EEPD1: variants seen among roughly 807,000 people sequenced by gnomAD.
The protein encoded by EEPD1 is endonuclease/exonuclease/phosphatase family domain containing 1, also known as endonuclease/exonuclease/phosphatase family domain-containing protein 1.
A neutral mutation model predicts 46.3 loss-of-function variants in EEPD1; 17 were observed. The observed-to-expected ratio is 0.37, with a 90% CI of 0.25 to 0.55. The LOEUF is 0.55. Ranked by LOEUF, EEPD1 falls within the 20% of genes least tolerant of loss-of-function variation. The pLI, the probability that EEPD1 is intolerant of heterozygous loss-of-function variation, is 0.83. For synonymous variants in EEPD1, 313 were observed against 315.6 expected (o/e 0.99, Z 0.09); for missense variants, 673 against 745.6 (o/e 0.90, Z 1.13).
chr7:36,247,157 A>G (rs185607159), intron 3 of EEPD1, among the ~76,000 whole-genome samples: 1 of 152,036 alleles, frequency 6.6e-6, no homozygotes, highest in Non-Finnish European at 1.5e-5. Flanking sequence ...AAAAAATTGA[A>G]CTTGACAGAT....
chr7:36,206,675 T>C (rs966053305), intron 2 of EEPD1, among the ~76,000 whole-genome samples: 1 of 152,238 alleles, frequency 6.6e-6, no homozygotes, highest in Non-Finnish European at 1.5e-5. Flanking sequence ...TCATAAGTTA[T>C]AGGTAATAAG....
At chr7:36,190,181 G>A (rs1785437436) in intron 2 of EEPD1, among the ~76,000 whole-genome samples, 1 of 152,176 alleles carries the variant, frequency 6.6e-6, no homozygotes, top group Admixed American at 6.5e-5. Flanking sequence ...AGACCTGCCT[G>A]AGCAACATAG....
intron 2 of EEPD1, among the ~76,000 whole-genome samples, chr7:36,180,843 C>T (rs762037853): frequency 6.6e-6 from 1 of 152,042 alleles, no homozygotes; most frequent in Non-Finnish European, 1.5e-5. Flanking sequence ...GCTCTGCAGG[C>T]TCAGGCCCCC....
intron 2 of EEPD1, among the ~76,000 whole-genome samples, chr7:36,163,150 G>A (rs1226371768): frequency 2.0e-5 from 3 of 149,940 alleles, no homozygotes; most frequent in Non-Finnish European, 4.4e-5. Context: ...GCCAATATTT[G>A]GGTGACATTA....
intron 3 of EEPD1, among the ~76,000 whole-genome samples, chr7:36,264,577 G>A (rs1046251856): frequency 6.6e-6 from 1 of 152,270 alleles, no homozygotes; most frequent in African/African-American, 2.4e-5. Context: ...CACTGTCATG[G>A]CATCCATTAT....
Position 36,301,218 on chromosome 7 carries a change from C to T in EEPD1, c.*2012C>T, listed in dbSNP as rs1055493884. On this transcript the variant is annotated 3_prime_UTR_variant, in exon 8 of 8. Transcript: ENST00000242108. ...CACTGGCCCTTTTGCTTTTCACGCC[C>T]AGGGCTCAGTGGCCCAGGAAGTGTG... 1.3e-5 allele frequency: 2 copies of T among 152,240 alleles called. No homozygotes were observed. The highest frequency in any genetic ancestry group is 4.8e-5 in the African/African-American group (2 of 41,464). 9.4% of individuals were successfully genotyped at this position (152,240 alleles called of 1,614,324 possible).
chr7:36,250,071 A>C (rs1318345912), intron 3 of EEPD1, among the ~76,000 whole-genome samples: 5 of 152,080 alleles, frequency 3.3e-5, no homozygotes, highest in Non-Finnish European at 7.4e-5. Flanking sequence ...AGTTTTTAAA[A>C]GTTAGCTGAG....
Position 36,299,011 on chromosome 7 carries a change from C to A in EEPD1, c.1515C>A (p.His505Gln). 3 of 1,614,066 alleles carry A rather than the reference C, an allele frequency of 1.9e-6. No homozygotes were observed. Among genetic ancestry groups the A allele is most frequent in the Non-Finnish European group, 2.5e-6 (3 of 1,179,966 alleles). Residue 505 changes from histidine (H) to glutamine (Q), a missense_variant, in exon 8 of 8, where the codon CAC becomes CAA. Transcript: ENST00000242108. The part of the protein sequence containing the change: ...SKSLKKVFTG[H>Q]WAVVREGLTN... ...CTTTCCTTCCTCTCCCTTCAGGTCA[C>A]TGGGCTGTGGTGAGAGAAGGCCTCA...
rs569345869 is a variant in EEPD1, at chr7:36,185,901, G to A, written c.878+30699G>A. On this transcript the variant is annotated intron_variant, in intron 2 of 7. Transcript: ENST00000242108. The stretch of plus-strand genomic sequence containing the variant: ...CCTTACCTTGTCATAAAAGTGTACA[G>A]CATAAATCAGAATATCTCTTTGCCA... Among the ~76,000 whole-genome samples the A allele has an allele frequency of 3.9e-5, 6 of 152,290 alleles. No homozygotes were observed. The South Asian group carries it at 1.2e-3, about 32-fold the overall frequency.
chr7:36,168,580 C>T (rs781639878), intron 2 of EEPD1, among the ~76,000 whole-genome samples: 5 of 152,072 alleles, frequency 3.3e-5, no homozygotes, highest in Non-Finnish European at 5.9e-5. Flanking sequence ...TGGTGAAACC[C>T]CATCTCTACT....
chr7:36,163,149 T>G (rs1324029803), intron 2 of EEPD1, among the ~76,000 whole-genome samples: 2 of 151,974 alleles, frequency 1.3e-5, no homozygotes, highest in Non-Finnish European at 2.9e-5. Flanking sequence ...AGCCAATATT[T>G]GGGTGACATT....
At chr7:36,167,070 G>A (rs1283444239) in intron 2 of EEPD1, among the ~76,000 whole-genome samples, 1 of 152,118 alleles carries the variant, frequency 6.6e-6, no homozygotes, top group African/African-American at 2.4e-5. Context: ...TCTTCACATG[G>A]TCTTTCCTCT....
chr7:36,229,752 G>A (rs1011619932), intron 2 of EEPD1, among the ~76,000 whole-genome samples: 3 of 152,026 alleles, frequency 2.0e-5, no homozygotes, highest in African/African-American at 4.8e-5. Flanking sequence ...CGTGTTCTCC[G>A]GGTTTCCCTT....
chr7:36,189,267 G>C (rs1298506978), intron 2 of EEPD1, among the ~76,000 whole-genome samples: 1 of 152,210 alleles, frequency 6.6e-6, no homozygotes, highest in East Asian at 1.9e-4. Flanking sequence ...ATTTGCAGAA[G>C]TTTCGAGAGG....
At chr7:36,155,898 C>G (rs769352333) in intron 2 of EEPD1, among the ~76,000 whole-genome samples, 14 of 152,120 alleles carry the variant, frequency 9.2e-5, no homozygotes, top group Non-Finnish European at 1.8e-4. Flanking sequence ...TACCACAGAG[C>G]GTTTATGTTA....
chr7:36,275,702 C>T (rs530674104), intron 3 of EEPD1, among the ~76,000 whole-genome samples: 3 of 152,318 alleles, frequency 2.0e-5, no homozygotes, highest in South Asian at 4.1e-4. Context: ...CCTCGTGATC[C>T]ACCCGCTTCG....
chr7:36,206,840 G>A (rs905288940), intron 2 of EEPD1, among the ~76,000 whole-genome samples: 11 of 152,262 alleles, frequency 7.2e-5, no homozygotes, highest in Non-Finnish European at 1.3e-4. Context: ...GCTGAGGCCA[G>A]CAGTTTGAGA....
chr7:36,248,896 C>T (rs914992863), intron 3 of EEPD1, among the ~76,000 whole-genome samples: 1 of 152,018 alleles, frequency 6.6e-6, no homozygotes, highest in Non-Finnish European at 1.5e-5. Flanking sequence ...CTGCCACTAG[C>T]TCCACTTCAC....
chr7:36,176,427 A>T (rs930078182), intron 2 of EEPD1, among the ~76,000 whole-genome samples: 1 of 152,336 alleles, frequency 6.6e-6, no homozygotes, highest in Admixed American at 6.5e-5. Context: ...ATCAGGTCTC[A>T]TGGGAGCCTC....
Sources: allele counts gnomAD v4.1 joint callset (sites outside exome capture counted in the v4.1 genomes callset), GRCh38; gene constraint gnomAD v4.1.1; transcripts MANE v1.5; gene names NCBI Gene and HGNC (gene_info 2026-07-23, HGNC 2026-07-21).